THRAP3: variants seen among roughly 807,000 people sequenced by gnomAD.
The protein encoded by THRAP3 is thyroid hormone receptor-associated protein 3.
A neutral mutation model predicts 101.0 loss-of-function variants in THRAP3; 16 were observed. The observed-to-expected ratio is 0.16, with a 90% confidence interval of 0.11 to 0.24. THRAP3 has a LOEUF of 0.24. Ranked by LOEUF, THRAP3 falls within the 10% of genes least tolerant of loss-of-function variation. The pLI, the probability that THRAP3 is intolerant of heterozygous loss-of-function variation, is 1.00. For missense variants in THRAP3, 989 were observed against 1,202.7 expected (o/e 0.82, Z 2.63); for synonymous variants, 407 against 422.6 (o/e 0.96, Z 0.45).
chr1:36,272,096 C>G (rs1645599742), intron 2 of THRAP3, among the ~76,000 whole-genome samples: 1 of 151,286 alleles, frequency 6.6e-6, no homozygotes. Flanking sequence ...TCCAGGCTGG[C>G]CTTGAACTTC....
At chr1:36,262,715 G>T (rs192693801) in intron 2 of THRAP3, among the ~76,000 whole-genome samples, 1,573 of 152,026 alleles carry the variant, frequency 0.01, 18 homozygotes, top group African/African-American at 0.034. Context: ...TTCTGTAGGT[G>T]ATTACAGTAT....
rs1433267301 is a variant in THRAP3 at position 36,303,790 on chromosome 1, C to G, written c.2647-6C>G. 7 of 1,613,786 alleles carry G rather than the reference C, an allele frequency of 4.3e-6. No homozygotes were observed. In the Admixed American group the frequency reaches 1.0e-4, roughly 23 times the overall value. The stretch of plus-strand genomic sequence containing the variant: ...TGGCACTGATGGCAATTTTCTTTCC[C>G]CTCAGCATGATGACCGTGAAGGCGA... On this transcript the variant is annotated splice_polypyrimidine_tract_variant and splice_region_variant and intron_variant, in intron 11 of 11. Coordinates refer to ENST00000354618, the MANE Select transcript of THRAP3 (RefSeq NM_005119.4).
intron 1 of THRAP3, among the ~76,000 whole-genome samples, chr1:36,242,542 T>C (rs1204444930): frequency 6.7e-6 from 1 of 148,768 alleles, no homozygotes; most frequent in Non-Finnish European, 1.5e-5. Context: ...AAGCTCTGCC[T>C]CATGGGTTCA....
intron 11 of THRAP3, 51 bp from the exon 12 acceptor site, chr1:36,303,745 T>C (rs1646058750): frequency 1.2e-6 from 2 of 1,612,310 alleles, no homozygotes; most frequent in Admixed American, 1.7e-5. Flanking sequence ...AAGAGAGCTC[T>C]GGCCACATCT....
intron 2 of THRAP3, among the ~76,000 whole-genome samples, chr1:36,274,957 C>T (rs1645637751): frequency 6.7e-6 from 1 of 150,068 alleles, no homozygotes; most frequent in African/African-American, 2.4e-5. Context: ...ACAAGGGTGC[C>T]AGGACAATTC....
chr1:36,280,115 T>G (rs1290442828), intron 2 of THRAP3, among the ~76,000 whole-genome samples: 1 of 152,214 alleles, frequency 6.6e-6, no homozygotes, highest in Admixed American at 6.5e-5. Context: ...GGAGACCCCA[T>G]CTGAATGAAT....
rs568908183 is a variant in THRAP3, at chr1:36,268,022, A to G, written c.-32+8538A>G. On this transcript the variant is annotated intron_variant, in intron 2 of 11. Transcript: ENST00000354618. Reference sequence around the variant, plus strand: ...TGGTGAAACCCCATCTCTACTGACAATACAAGAATTAGTTGGGTGTGGTAG... The same window carrying G: ...TGGTGAAACCCCATCTCTACTGACAGTACAAGAATTAGTTGGGTGTGGTAG... Among the ~76,000 whole-genome samples the G allele has an allele frequency of 2.7e-4, 40 of 150,534 alleles. No homozygotes were observed. The Middle Eastern group carries it at 0.01, about 38-fold the overall frequency.
At chr1:36,240,944 C>G (rs536243878) in intron 1 of THRAP3, among the ~76,000 whole-genome samples, 6 of 152,256 alleles carry the variant, frequency 3.9e-5, no homozygotes, top group Admixed American at 1.3e-4. Context: ...CAGTGGCTCA[C>G]GCCTGTAATC....
At chr1:36,227,788 A>C (rs1644978657) in intron 1 of THRAP3, among the ~76,000 whole-genome samples, 1 of 152,198 alleles carries the variant, frequency 6.6e-6, no homozygotes. Flanking sequence ...TGTAGGCTGC[A>C]GTGAGCCATG....
chr1:36,289,528 T>C lies in THRAP3; in HGVS notation c.1509T>C (p.Asp503=), dbSNP rs1645838453. ...TCCCAGAGAGATCCAAAAAGGAAGATCGGGGCAAGAGAAGCGAAGGTGGGC... is the reference window on the plus strand; with the variant it reads ...TCCCAGAGAGATCCAAAAAGGAAGACCGGGGCAAGAGAAGCGAAGGTGGGC... The part of the protein sequence containing the change: ...ESFPERSKKE[D]RGKRSEGGHR... Residue 503 remains aspartate, a synonymous_variant, in exon 5 of 12, where the codon GAT becomes GAC. Coordinates refer to ENST00000354618, the MANE Select transcript of THRAP3 (RefSeq NM_005119.4). The C allele has an allele frequency of 6.2e-7, 1 of 1,613,566 alleles. No individual in the cohort carries two copies.
At chr1:36,235,033 C>G (rs928403247) in intron 1 of THRAP3, among the ~76,000 whole-genome samples, 1 of 152,020 alleles carries the variant, frequency 6.6e-6, no homozygotes, top group Admixed American at 6.6e-5. Context: ...AGGCAGGTTT[C>G]GAACTCCTGA....
At chr1:36,215,753 C>CT in the THRAP3 span, among the ~76,000 whole-genome samples, 3,753 of 144,894 alleles carry the variant, frequency 0.026, 162 homozygotes, top group African/African-American at 0.086. Flanking sequence ...AGAATATTTT[C>CT]TTTTTTTTTT....
intron 2 of THRAP3, among the ~76,000 whole-genome samples, chr1:36,274,975 A>G (rs1645637919): frequency 1.3e-5 from 2 of 148,842 alleles, no homozygotes; most frequent in Non-Finnish European, 3.0e-5. Flanking sequence ...TTCAGTGGGG[A>G]AAGAATAGTC....
At chr1:36,261,686 G>T (rs576962071) in intron 2 of THRAP3, among the ~76,000 whole-genome samples, 15 of 152,058 alleles carry the variant, frequency 9.9e-5, no homozygotes, top group Non-Finnish European at 2.2e-4. Context: ...AGGTGGAGTT[G>T]GTGTCTCTAG....
chr1:36,250,802 A>G lies in THRAP3; in HGVS notation c.-134-8580A>G, dbSNP rs114473229. ...GTGGTGCGCGCCTGTAATCCCATCT[A>G]TTGGCGCAATCTCAGCTCACTGCAA... is the stretch of plus-strand genomic sequence containing the variant. On this transcript the variant is annotated intron_variant, in intron 1 of 11. Coordinates refer to ENST00000354618, the MANE Select transcript of THRAP3 (RefSeq NM_005119.4). Among the ~76,000 whole-genome samples, 867 of 151,980 alleles carry G rather than the reference A, an allele frequency of 5.7e-3. 11 individuals are homozygous for G. The highest frequency in any genetic ancestry group is 0.019 in the African/African-American group (805 of 41,494).
intron 1 of THRAP3, among the ~76,000 whole-genome samples, chr1:36,237,058 C>T (rs1435058078): frequency 1.3e-5 from 2 of 152,040 alleles, no homozygotes; most frequent in Non-Finnish European, 2.9e-5. Flanking sequence ...TCCCTGTAAT[C>T]CCAGATACTG....
In THRAP3 at chr1:36,287,121, A is replaced by C; in HGVS notation, c.891A>C (p.Thr297=). 1 of 1,614,166 alleles carries C rather than the reference A, an allele frequency of 6.2e-7. No individual in the cohort carries two copies. Among genetic ancestry groups the C allele is most frequent in the Non-Finnish European group, 8.5e-7 (1 of 1,180,032 alleles). The change falls in exon 4 of 12, where the codon ACA becomes ACC. Residue 297 remains threonine (T), a synonymous_variant. Transcript: ENST00000354618. ...LPSGAGYQSG[T]HQGQFDHGSG... ...GTGGTGCCGGGTATCAGTCTGGGAC[A>C]CACCAAGGTCAGTTCGACCATGGTT...
the THRAP3 span, among the ~76,000 whole-genome samples, chr1:36,214,026 GAA>G: frequency 2.4e-5 from 3 of 126,130 alleles, no homozygotes; most frequent in Non-Finnish European, 5.2e-5. Context: ...AAGAAAGAAA[GAA>G]AGAAAGAAAG....
chr1:36,247,814 A>G (rs1237810488), intron 1 of THRAP3, among the ~76,000 whole-genome samples: 1 of 151,710 alleles, frequency 6.6e-6, no homozygotes, highest in Non-Finnish European at 1.5e-5. Flanking sequence ...CATGTTGCCC[A>G]ACTTATTCCT....
Sources: gnomAD v4.1 joint callset for allele counts (sites outside exome capture counted in the v4.1 genomes callset) on GRCh38, gnomAD v4.1.1 for gene constraint, MANE v1.5 for transcripts, NCBI Gene and HGNC (gene_info 2026-07-23, HGNC 2026-07-21) for gene names.